AKR1A1: variants seen among roughly 807,000 people sequenced by gnomAD.
The protein encoded by AKR1A1 is aldo-keto reductase family 1 member A1.
Under a neutral mutation model 39.2 loss-of-function variants are expected in AKR1A1, and 26 were observed. The observed-to-expected ratio is 0.66, with a 90% CI of 0.49 to 0.92. AKR1A1 has a LOEUF of 0.92. AKR1A1 is among the 40% of genes least tolerant of loss of function. The pLI is 0.00. For synonymous variants in AKR1A1, 141 were observed against 155.5 expected (o/e 0.91, Z 0.69); for missense variants, 378 against 406.5 (o/e 0.93, Z 0.60).
At chr1:45,557,812 G>A (rs1215219672) in intron 1 of AKR1A1, among the ~76,000 whole-genome samples, 1 of 151,916 alleles carries the variant, frequency 6.6e-6, no homozygotes, top group Non-Finnish European at 1.5e-5. Flanking sequence ...GCAGAAAAGA[G>A]TGGTTTCCAA....
intron 2 of AKR1A1, among the ~76,000 whole-genome samples, chr1:45,565,014 G>A (rs773215571): frequency 6.6e-6 from 1 of 151,022 alleles, no homozygotes; most frequent in Non-Finnish European, 1.5e-5. Context: ...AGTAGAGACG[G>A]TGTTTCACCG....
At chr1:45,564,064 C>T (rs1644309690) in intron 2 of AKR1A1, among the ~76,000 whole-genome samples, 1 of 152,168 alleles carries the variant, frequency 6.6e-6, no homozygotes, top group Admixed American at 6.6e-5. Flanking sequence ...TTCAGAGAAG[C>T]CCCAGCAGAG....
At chr1:45,561,562 C>A (rs1312121046) in intron 1 of AKR1A1, among the ~76,000 whole-genome samples, 1 of 152,126 alleles carries the variant, frequency 6.6e-6, no homozygotes, top group Non-Finnish European at 1.5e-5. Flanking sequence ...CGCCACCATG[C>A]CTAGATAATT....
At chr1:45,553,516 A>C (rs1644161128) in intron 1 of AKR1A1, among the ~76,000 whole-genome samples, 1 of 152,218 alleles carries the variant, frequency 6.6e-6, no homozygotes, top group Non-Finnish European at 1.5e-5. Flanking sequence ...ATATTTTAAA[A>C]TTCTTTTCAC....
chr1:45,567,175 A>G (rs1644355024), intron 4 of AKR1A1, 155 bp downstream of exon 4: 1 of 1,022,012 alleles, frequency 9.8e-7, no homozygotes, highest in Non-Finnish European at 1.4e-6. Context: ...CTTCTGCTAC[A>G]GCAGCTTAGC....
chr1:45,568,260 G>A (rs1321393996), intron 5 of AKR1A1, 83 bp downstream of exon 5: 5 of 1,458,250 alleles, frequency 3.4e-6, no homozygotes. Context: ...GCTTAAGGGA[G>A]ATAGCTAGCA....
At chr1:45,551,776 A>C (rs959639100) in intron 1 of AKR1A1, among the ~76,000 whole-genome samples, 5 of 152,184 alleles carry the variant, frequency 3.3e-5, no homozygotes, top group Admixed American at 3.3e-4. Context: ...GTATGATTCT[A>C]TCTGGTCCAC....
In AKR1A1 at chr1:45,566,886, G is replaced by A. The variant is rs747257229; in HGVS notation, c.222G>A (p.Glu74=). 18 of 1,614,014 alleles carry A rather than the reference G, an allele frequency of 1.1e-5. No individual in the cohort carries two copies. The Admixed American group carries it at 1.8e-4, about 16-fold the overall frequency. ...TGCACTAGGCGGTGCCTCGGGAGGA[G>A]CTGTTTGTGACATCCAAGCTGTGGA... ...VGPGKAVPRE[E]LFVTSKLWNT... is the part of the protein sequence containing the mutation. The change falls in exon 4 of 9, where the codon GAG becomes GAA. Residue 74 remains glutamate (E), a synonymous_variant. Transcript: ENST00000351829.
At chr1:45,567,128 A>G in intron 4 of AKR1A1, 108 bp downstream of exon 4, 1 of 1,443,032 alleles carries the variant, frequency 6.9e-7, no homozygotes, top group South Asian at 1.3e-5. Flanking sequence ...ACTCATTTGC[A>G]TGCCAAGCTG....
In AKR1A1 at chr1:45,558,560, C is replaced by T. The variant is rs776658872; in HGVS notation, c.-6-3229C>T. Among the ~76,000 whole-genome samples the T allele has an allele frequency of 1.1e-3, 163 of 151,850 alleles. 5 individuals carry two copies. The highest frequency in any genetic ancestry group is 3.4e-4 in the Non-Finnish European group (23 of 67,992). On this transcript the variant is annotated intron_variant, in intron 1 of 8. Transcript: ENST00000351829. ...GACCACAGGCATGTGCCACCATGCC[C>T]GGCTAATTTTTGTATTTTTAGGAGA...
chr1:45,554,315 C>T (rs1028428054), intron 1 of AKR1A1, among the ~76,000 whole-genome samples: 1 of 151,894 alleles, frequency 6.6e-6, no homozygotes, highest in Non-Finnish European at 1.5e-5. Flanking sequence ...CTAGTCCCAG[C>T]TACCTGGGAG....
intron 8 of AKR1A1, among the ~76,000 whole-genome samples, chr1:45,569,500 C>T (rs1644388025): frequency 6.6e-6 from 1 of 152,166 alleles, no homozygotes; most frequent in East Asian, 1.9e-4. Flanking sequence ...CCTCAGCTTC[C>T]TATGTGTAAA....
chr1:45,567,336 A>T lies in AKR1A1; in HGVS notation c.356+316A>T. 3 of 283,684 alleles carry T rather than the reference A, an allele frequency of 1.1e-5. No homozygotes were observed. In the South Asian group the frequency reaches 2.0e-4, roughly 19 times the overall value. The allele number at this position is 283,684 out of a possible 1,614,324, so 17.6% of individuals were successfully genotyped here. A position where few individuals can be genotyped will look rare whatever the true frequency, so the allele number is the denominator to read the frequency against. On this transcript the variant is annotated intron_variant, in intron 4 of 8. Coordinates refer to ENST00000351829, the MANE Select transcript of AKR1A1 (RefSeq NM_153326.3). ...AGCACCTGGGGTTACAGTAATAAGT[A>T]AGTCTCAGCAGAAGATGTGAGAAGA...
chr1:45,562,861 T>TG (rs1644295906), intron 2 of AKR1A1, among the ~76,000 whole-genome samples: 1 of 152,036 alleles, frequency 6.6e-6, no homozygotes, highest in Non-Finnish European at 1.5e-5. Flanking sequence ...GGCTCATACC[T>TG]GTAATCCCAG....
chr1:45,563,651 T>C (rs1400278914), intron 2 of AKR1A1, among the ~76,000 whole-genome samples: 2 of 151,912 alleles, frequency 1.3e-5, no homozygotes, highest in Non-Finnish European at 2.9e-5. Flanking sequence ...TAGCCAGGCG[T>C]GGTGGTGCAT....
At position 45,559,982 on chromosome 1, in the gene AKR1A1, A is replaced by G. The variant is rs1350230843; in HGVS notation, c.-6-1807A>G. ...CTTCTTAGCTGTTGATTTGGAGCAA[A>G]TAACTTCACTTTTTTTTTTTTTTGA... On this transcript the variant is annotated intron_variant, in intron 1 of 8. Coordinates refer to ENST00000351829, the MANE Select transcript of AKR1A1 (RefSeq NM_153326.3). Among the ~76,000 whole-genome samples the G allele has an allele frequency of 6.8e-5, 10 of 147,414 alleles. No individual in the cohort carries two copies. The Admixed American group carries it at 6.8e-4, about 10-fold the overall frequency.
At chr1:45,551,279 G>A (rs927987240) in intron 1 of AKR1A1, 124 bp downstream of exon 1, 1 of 151,642 alleles carries the variant, frequency 6.6e-6, no homozygotes, top group Admixed American at 6.6e-5. Context: ...ACGAGACTTG[G>A]TTTCGGATTT....
Position 45,566,688 on chromosome 1 carries a change from G to A in AKR1A1, c.204G>A (p.Lys68=), listed in dbSNP as rs150476930. Residue 68 remains lysine, a splice_region_variant and synonymous_variant, in exon 3 of 9, where the codon AAG becomes AAA. Transcript: ENST00000351829. ...EALKEDVGPG[K]AVPREELFVT... is the part of the protein sequence containing the mutation. ...TGAAGGAGGACGTGGGACCAGGCAA[G>A]GTAAGGACTGGGGTTGTAAATAGAG... The A allele has an allele frequency of 6.2e-7, 1 of 1,614,072 alleles. No individual in the cohort carries two copies. Among genetic ancestry groups the A allele is most frequent in the Non-Finnish European group, 8.5e-7 (1 of 1,180,026 alleles).
chr1:45,569,926 T>C lies in AKR1A1; in HGVS notation c.948T>C (p.His316=), dbSNP rs1570921994. The change falls in exon 9 of 9, where the codon CAT becomes CAC. Residue 316 remains histidine (H), a synonymous_variant. Transcript: ENST00000351829. ...AGAGAGTCCCAAGGGATGCAGGGCA[T>C]CCTCTGTACCCCTTTAATGACCCGT... ...DGKRVPRDAG[H]PLYPFNDPY The C allele has an allele frequency of 2.5e-6, 4 of 1,614,140 alleles. No individual in the cohort carries two copies. Among genetic ancestry groups the C allele is most frequent in the African/African-American group, 1.3e-5 (1 of 75,020 alleles).
Sources: gnomAD v4.1 joint callset for allele counts (sites outside exome capture counted in the v4.1 genomes callset) on GRCh38, gnomAD v4.1.1 for gene constraint, MANE v1.5 for transcripts, NCBI Gene and HGNC (gene_info 2026-07-23, HGNC 2026-07-21) for gene names.